Variants in AFAP1L2 observed in about 807,000 individuals in gnomAD.
AFAP1L2 encodes actin filament-associated protein 1-like 2.
In AFAP1L2, 46 loss-of-function variants were observed where a neutral mutation model predicts 99.3. The observed-to-expected ratio is 0.46, with a 90% CI of 0.37 to 0.59. AFAP1L2 has a LOEUF of 0.59. AFAP1L2 is among the 20% of genes least tolerant of loss of function. The pLI is 0.00. For missense variants in AFAP1L2, 959 were observed against 1,034.9 expected (o/e 0.93, Z 1.01); for synonymous variants, 397 against 419.1 (o/e 0.95, Z 0.64).
intron 7 of AFAP1L2, among the ~76,000 whole-genome samples, chr10:114,310,846 T>C (rs2043126129): frequency 6.6e-6 from 1 of 152,166 alleles, no homozygotes. Flanking sequence ...GTCCTCTGGC[T>C]TTTCAGAGGT....
At chr10:114,378,455 A>G (rs1448814712) in intron 1 of AFAP1L2, among the ~76,000 whole-genome samples, 1 of 152,184 alleles carries the variant, frequency 6.6e-6, no homozygotes, top group African/African-American at 2.4e-5. Flanking sequence ...AAATGTTTAA[A>G]ATATTGCCAT....
chr10:114,391,787 A>G (rs959322294), intron 1 of AFAP1L2, among the ~76,000 whole-genome samples: 1 of 152,170 alleles, frequency 6.6e-6, no homozygotes, highest in South Asian at 2.1e-4. Context: ...AAACCAATTG[A>G]CCAGCACGTG....
chr10:114,293,491 T>C (rs980520482), downstream of AFAP1L2, among the ~76,000 whole-genome samples: 1 of 152,216 alleles, frequency 6.6e-6, no homozygotes, highest in Non-Finnish European at 1.5e-5. Flanking sequence ...GAAACATTTT[T>C]TCCCCTTTTG....
At chr10:114,367,544 C>A (rs2053457252) in intron 1 of AFAP1L2, among the ~76,000 whole-genome samples, 1 of 152,158 alleles carries the variant, frequency 6.6e-6, no homozygotes, top group Admixed American at 6.5e-5. Context: ...GTTTGCAGAG[C>A]AGCAAGAAAC....
chr10:114,388,774 G>A (rs1318403956), intron 1 of AFAP1L2, among the ~76,000 whole-genome samples: 1 of 152,120 alleles, frequency 6.6e-6, no homozygotes, highest in African/African-American at 2.4e-5. Flanking sequence ...GGGACCCTGG[G>A]GCTGATACTT....
At chr10:114,283,718 T>C in the AFAP1L2 span, among the ~76,000 whole-genome samples, 1 of 152,360 alleles carries the variant, frequency 6.6e-6, no homozygotes, top group South Asian at 2.1e-4. Context: ...CATGCGTGTA[T>C]TGTGCTTAGC....
At chr10:114,375,352 G>C (rs1357734263) in intron 1 of AFAP1L2, among the ~76,000 whole-genome samples, 1 of 152,150 alleles carries the variant, frequency 6.6e-6, no homozygotes, top group African/African-American at 2.4e-5. Flanking sequence ...AAGAAAGCTT[G>C]CCAGCCCCAA....
In AFAP1L2 at chr10:114,315,602, C is replaced by T; in HGVS notation, c.570G>A (p.Gln190=). The T allele has an allele frequency of 6.2e-7, 1 of 1,614,120 alleles. No homozygotes were observed. The change falls in exon 6 of 19, where the codon CAG becomes CAA. Residue 190 remains glutamine (Q), a synonymous_variant. Transcript: ENST00000304129. ...AFLWRKKWLG[Q]WAKQLCVIKD... ...TGATGACACAGAGCTGCTTGGCCCACTGTCCCAGCCACTTCTTGCGCCACA... is the reference window on the plus strand; with the variant it reads ...TGATGACACAGAGCTGCTTGGCCCATTGTCCCAGCCACTTCTTGCGCCACA...
intron 1 of AFAP1L2, among the ~76,000 whole-genome samples, chr10:114,353,607 A>G (rs35644827): frequency 0.24 from 36,943 of 152,158 alleles, 5,308 homozygotes; most frequent in Non-Finnish European, 0.32. Context: ...TCCTGGCCCC[A>G]AGCCTAGAGT....
Position 114,302,348 on chromosome 10 carries a change from T to A in AFAP1L2, c.1421A>T (p.Asn474Ile), listed in dbSNP as rs745669999. The A allele has an allele frequency of 6.2e-7, 1 of 1,612,316 alleles. No individual in the cohort carries two copies. The highest frequency in any genetic ancestry group is 8.5e-7 in the Non-Finnish European group (1 of 1,179,410). Residue 474 changes from asparagine to isoleucine, a missense_variant, in exon 12 of 19, where the codon AAC (asparagine) becomes ATC (isoleucine). This residue lies in a region of AFAP1L2 where 576 missense variants were observed against 562.1 expected (regional missense o/e 1.02). Coordinates refer to ENST00000304129, the MANE Select transcript of AFAP1L2 (RefSeq NM_001001936.3). ...GGTCCAAATTACTCACAAGAGAGAGTTTTTGGCCGCACTCACAATACAGGA... is the reference window on the plus strand; with the variant it reads ...GGTCCAAATTACTCACAAGAGAGAGATTTTGGCCGCACTCACAATACAGGA... ...RVSCIVSAAK[N>I]SLLLMQRKFS...
intron 16 of AFAP1L2, 51 bp downstream of exon 16, chr10:114,299,209 C>A (rs948254385): frequency 1.2e-6 from 2 of 1,604,086 alleles, no homozygotes; most frequent in South Asian, 2.2e-5. Flanking sequence ...AAAAGTTAAG[C>A]CTACACGGCC....
intron 3 of AFAP1L2, among the ~76,000 whole-genome samples, chr10:114,332,473 G>A (rs775537558): frequency 3.3e-5 from 5 of 152,230 alleles, no homozygotes; most frequent in Non-Finnish European, 7.3e-5. Flanking sequence ...AGGCAGGCCC[G>A]ATATCGGGGA....
At chr10:114,381,277 C>T (rs1282021646) in intron 1 of AFAP1L2, among the ~76,000 whole-genome samples, 1 of 152,140 alleles carries the variant, frequency 6.6e-6, no homozygotes, top group East Asian at 1.9e-4. Context: ...AGAAGTCTGT[C>T]ACAAGAGTCT....
chr10:114,305,696 G>GAGAT (rs2042178440), intron 10 of AFAP1L2, among the ~76,000 whole-genome samples: 2 of 143,816 alleles, frequency 1.4e-5, no homozygotes, highest in African/African-American at 2.6e-5. Context: ...GCTGCAGGAG[G>GAGAT]GAGCGGGGCT....
At chr10:114,313,806 C>T (rs2043653279) in intron 7 of AFAP1L2, 65 bp downstream of exon 7, 3 of 1,486,186 alleles carry the variant, frequency 2.0e-6, no homozygotes, top group Non-Finnish European at 2.7e-6. Flanking sequence ...TATCATCCAT[C>T]CCTTTAGAAA....
At chr10:114,364,947 C>T (rs912827277) in intron 1 of AFAP1L2, among the ~76,000 whole-genome samples, 1 of 152,138 alleles carries the variant, frequency 6.6e-6, no homozygotes, top group South Asian at 2.1e-4. Context: ...TTCTTGGGGG[C>T]CTTCAAGTAC....
chr10:114,370,315 C>T (rs1191873944), intron 1 of AFAP1L2, among the ~76,000 whole-genome samples: 5 of 152,194 alleles, frequency 3.3e-5, no homozygotes, highest in African/African-American at 1.2e-4. Context: ...GCAGCTACTA[C>T]AAGCCTTCAG....
the AFAP1L2 span, among the ~76,000 whole-genome samples, chr10:114,286,760 A>G: frequency 6.6e-6 from 1 of 152,248 alleles, no homozygotes; most frequent in Non-Finnish European, 1.5e-5. Flanking sequence ...TGCTTAGTAC[A>G]GAGTAAGCAC....
At chr10:114,282,626 C>T in the AFAP1L2 span, 658 of 1,525,548 alleles carry the variant, frequency 4.3e-4, 3 homozygotes, top group African/African-American at 5.1e-3. Flanking sequence ...GCCCAGGCTG[C>T]TTTGTAAAGT....
Sources: gnomAD v4.1 joint callset for allele counts (sites outside exome capture counted in the v4.1 genomes callset) on GRCh38, gnomAD v4.1.1 for gene constraint, gnomAD v4.1.1 regional missense constraint, MANE v1.5 for transcripts, NCBI Gene and HGNC (gene_info 2026-07-23, HGNC 2026-07-21) for gene names.